FSIP1: variants seen among roughly 807,000 people sequenced by gnomAD.
The protein encoded by FSIP1 is fibrous sheath-interacting protein 1.
FSIP1 carries 65 observed loss-of-function variants against 60.9 expected under a neutral mutation model. The ratio of observed to expected loss-of-function variants is 1.07; its 90% CI spans 0.87 to 1.31. The LOEUF (loss-of-function observed/expected upper bound fraction) is 1.31, where lower values mean the gene tolerates loss of function less well. FSIP1 is among the 40% of genes most tolerant of loss of function. The probability of loss-of-function intolerance (pLI) is 0.00; values close to 1 mark genes in which losing one functional copy is unlikely to be tolerated. For synonymous variants in FSIP1, 209 were observed against 221.2 expected (o/e 0.94, Z 0.49); for missense variants, 675 against 665.5 (o/e 1.01, Z -0.16).
intron 10 of FSIP1, among the ~76,000 whole-genome samples, chr15:39,665,366 T>G (rs188953660): frequency 6.6e-6 from 1 of 152,230 alleles, no homozygotes; most frequent in East Asian, 1.9e-4. Context: ...AACTACTTTA[T>G]GAATTGATTT....
intron 10 of FSIP1, among the ~76,000 whole-genome samples, chr15:39,709,790 A>G (rs1895422836): frequency 6.6e-6 from 1 of 152,152 alleles, no homozygotes; most frequent in Non-Finnish European, 1.5e-5. Context: ...TCGCGCTCCT[A>G]TGAGAATCTA....
At position 39,656,671 on chromosome 15, in the gene FSIP1, A is replaced by G. The variant is rs534981594; in HGVS notation, c.1189-38426T>C. Among the ~76,000 whole-genome samples the G allele has an allele frequency of 2.0e-5, 3 of 152,372 alleles. No individual in the cohort carries two copies. In the East Asian group the frequency reaches 5.8e-4, roughly 29 times the overall value. On this transcript the variant is annotated intron_variant, in intron 10 of 11. Transcript: ENST00000350221. ...ACAATTATGTGGAAAGCACTCTGTT[A>G]CCCATGAGTTCTCACTAACACAATC...
intron 5 of FSIP1, among the ~76,000 whole-genome samples, chr15:39,758,176 A>T (rs1897361895): frequency 6.6e-6 from 1 of 152,160 alleles, no homozygotes; most frequent in Non-Finnish European, 1.5e-5. Flanking sequence ...TATACGGGCC[A>T]GGAGCTTTAA....
chr15:39,763,825 A>G lies in FSIP1; in HGVS notation c.555T>C (p.Thr185=), dbSNP rs373700706. The G allele has an allele frequency of 3.3e-6, 5 of 1,511,906 alleles. No homozygotes were observed. The African/African-American group carries it at 4.1e-5, about 12-fold the overall frequency. 93.7% of individuals were successfully genotyped at this position (1,511,906 alleles called of 1,614,324 possible). A position where few individuals can be genotyped will look rare whatever the true frequency, so the allele number is the denominator to read the frequency against. ...FLSLTAVSEE[T]VGPSHEEEDT... ...ATGACATCTCCATCTACTCACCAACAGTTTCTTCAGAAACAGCAGTCAAAG... is the reference window on the plus strand; with the variant it reads ...ATGACATCTCCATCTACTCACCAACGGTTTCTTCAGAAACAGCAGTCAAAG... Residue 185 remains threonine (T), a synonymous_variant, in exon 5 of 12, where the codon ACT becomes ACC. Coordinates refer to ENST00000350221, the MANE Select transcript of FSIP1 (RefSeq NM_152597.5).
rs144641355 is a variant in FSIP1 at position 39,627,162 on chromosome 15, G to A, written c.1189-8917C>T. Among the ~76,000 whole-genome samples the A allele has an allele frequency of 9.8e-5, 15 of 152,288 alleles. No homozygotes were observed. In the East Asian group the frequency reaches 1.2e-3, roughly 12 times the overall value. ...CTGCACTGACATTACACTGCTCAAC[G>A]TGACTGGATTCAGATTACCCATCAT... is the stretch of plus-strand genomic sequence containing the variant. On this transcript the variant is annotated intron_variant, in intron 10 of 11. Coordinates refer to ENST00000350221, the MANE Select transcript of FSIP1 (RefSeq NM_152597.5).
At position 39,782,726 on chromosome 15, in the gene FSIP1, C is replaced by T. The variant is rs1473031612; in HGVS notation, c.-106G>A. 6.6e-6 allele frequency: 1 copy of T among 152,606 alleles called. No homozygotes were observed. The highest frequency in any genetic ancestry group is 2.4e-5 in the African/African-American group (1 of 41,462). The allele number at this position is 152,606 out of a possible 1,614,324, so 9.5% of individuals were successfully genotyped here. ...ACACTCGCCGCGCCAGCCACTTACC[C>T]CCAGAGGAGAGGGGTCTCTCCCGCC... is the stretch of plus-strand genomic sequence containing the variant. On this transcript the variant is annotated 5_prime_UTR_variant, in exon 1 of 12. Transcript: ENST00000350221.
intron 10 of FSIP1, among the ~76,000 whole-genome samples, chr15:39,706,550 T>C (rs114979380): frequency 0.015 from 2,361 of 152,340 alleles, 53 homozygotes; most frequent in African/African-American, 0.054. Flanking sequence ...CTCTTGTACA[T>C]GTAGATGCTT....
intron 10 of FSIP1, among the ~76,000 whole-genome samples, chr15:39,690,999 C>A (rs1021478575): frequency 6.6e-6 from 1 of 152,164 alleles, no homozygotes; most frequent in African/African-American, 2.4e-5. Flanking sequence ...TCGAGTAAAA[C>A]TGAGCCAAAA....
chr15:39,679,449 G>A (rs983429034), intron 10 of FSIP1, among the ~76,000 whole-genome samples: 1 of 152,026 alleles, frequency 6.6e-6, no homozygotes, highest in African/African-American at 2.4e-5. Flanking sequence ...AAAAATAAGA[G>A]TTCTGGGCCA....
At chr15:39,777,977 T>C (rs1898118815) in intron 1 of FSIP1, among the ~76,000 whole-genome samples, 1 of 152,228 alleles carries the variant, frequency 6.6e-6, no homozygotes, top group Non-Finnish European at 1.5e-5. Flanking sequence ...CAGAGCGATG[T>C]TACGGCTTGG....
chr15:39,663,138 T>A (rs1324987864), intron 10 of FSIP1, among the ~76,000 whole-genome samples: 1 of 152,238 alleles, frequency 6.6e-6, no homozygotes, highest in Non-Finnish European at 1.5e-5. Flanking sequence ...ATTATTGTTA[T>A]CTATTATTGT....
chr15:39,733,608 A>G (rs1595674612), intron 8 of FSIP1, among the ~76,000 whole-genome samples: 1 of 152,154 alleles, frequency 6.6e-6, no homozygotes, highest in East Asian at 1.9e-4. Flanking sequence ...CCCCCTTCTC[A>G]CTTGCAGCAA....
At chr15:39,773,412 C>A (rs572223124) in intron 2 of FSIP1, among the ~76,000 whole-genome samples, 1 of 152,286 alleles carries the variant, frequency 6.6e-6, no homozygotes, top group African/African-American at 2.4e-5. Context: ...TCCAGATTGG[C>A]TAATAAATAT....
Position 39,770,585 on chromosome 15 carries a change from G to T in FSIP1, c.152C>A (p.Ser51Tyr). Residue 51 changes from serine (S) to tyrosine (Y), a missense_variant, in exon 3 of 12, where the codon TCT (serine) becomes TAT (tyrosine). Coordinates refer to ENST00000350221, the MANE Select transcript of FSIP1 (RefSeq NM_152597.5). ...GCTTTCGGAGTGGTCCTCTTTACCA[G>T]AGTTCAAGTTGCTTGCAGTATCGAC... ...FKVDTASNLN[S>Y]GKEDHSESSN... 1 of 1,547,720 alleles carries T rather than the reference G, an allele frequency of 6.5e-7. No individual in the cohort carries two copies. Among genetic ancestry groups the T allele is most frequent in the East Asian group, 2.4e-5 (1 of 42,406 alleles).
chr15:39,742,456 T>A (rs985501845), intron 5 of FSIP1, among the ~76,000 whole-genome samples: 6 of 152,214 alleles, frequency 3.9e-5, no homozygotes, highest in African/African-American at 1.4e-4. Context: ...TAACTTTGTT[T>A]CAGTGTAGTT....
intron 3 of FSIP1, among the ~76,000 whole-genome samples, chr15:39,768,915 G>A (rs910047898): frequency 6.6e-6 from 1 of 152,182 alleles, no homozygotes; most frequent in Non-Finnish European, 1.5e-5. Context: ...ACTAAATTAT[G>A]CAGACCTTCA....
intron 10 of FSIP1, among the ~76,000 whole-genome samples, chr15:39,638,577 T>C (rs1374689588): frequency 6.6e-6 from 1 of 152,222 alleles, no homozygotes; most frequent in Non-Finnish European, 1.5e-5. Context: ...TTCAGAGTAT[T>C]ATATAAGTAT....
intron 6 of FSIP1, 54 bp from the exon 7 acceptor site, chr15:39,739,843 A>G (rs1566909095): frequency 2.6e-5 from 30 of 1,136,588 alleles, no homozygotes; most frequent in Non-Finnish European, 3.3e-5. Context: ...CAATTATGCT[A>G]AAAGTTCACT....
At chr15:39,705,655 C>A (rs1277905919) in intron 10 of FSIP1, among the ~76,000 whole-genome samples, 1 of 151,954 alleles carries the variant, frequency 6.6e-6, no homozygotes, top group Non-Finnish European at 1.5e-5. Context: ...TGATAAAAAT[C>A]TATCTTAAAT....
Sources: gnomAD v4.1 joint callset for allele counts (sites outside exome capture counted in the v4.1 genomes callset) on GRCh38, gnomAD v4.1.1 for gene constraint, MANE v1.5 for transcripts, NCBI Gene and HGNC (gene_info 2026-07-23, HGNC 2026-07-21) for gene names.